HACD2: variants seen among roughly 807,000 people sequenced by gnomAD.
HACD2 encodes the protein 3-hydroxyacyl-CoA dehydratase 2, also known as very-long-chain (3R)-3-hydroxyacyl-CoA dehydratase 2.
Under a neutral mutation model 31.0 loss-of-function variants are expected in HACD2, and 15 were observed. That is an observed-to-expected ratio of 0.48 (90% CI 0.32 to 0.75). HACD2 has a LOEUF of 0.75. Ranked by LOEUF, HACD2 falls within the 30% of genes least tolerant of loss-of-function variation. The probability of loss-of-function intolerance (pLI) is 0.03; values close to 1 mark genes in which losing one functional copy is unlikely to be tolerated. For missense variants in HACD2, 283 were observed against 313.0 expected, an observed-to-expected ratio of 0.90 and a Z score of 0.72; for synonymous variants, 115 against 122.2, an observed-to-expected ratio of 0.94 and a Z score of 0.39.
At chr3:123,513,546 C>T (rs2056090392) in intron 4 of HACD2, among the ~76,000 whole-genome samples, 1 of 152,124 alleles carries the variant, frequency 6.6e-6, no homozygotes, top group African/African-American at 2.4e-5. Context: ...TGAGAACTTA[C>T]AGCCTGTACT....
intron 3 of HACD2, among the ~76,000 whole-genome samples, chr3:123,554,756 G>T (rs2056656388): frequency 6.6e-6 from 1 of 152,102 alleles, no homozygotes; most frequent in Non-Finnish European, 1.5e-5. Flanking sequence ...ATAAAAGAAT[G>T]CACAAGGGCA....
At chr3:123,534,961 T>C (rs2056407996) in intron 3 of HACD2, among the ~76,000 whole-genome samples, 1 of 152,218 alleles carries the variant, frequency 6.6e-6, no homozygotes, top group African/African-American at 2.4e-5. Flanking sequence ...GCAAAAAAGT[T>C]AAAGAAAATT....
chr3:123,521,579 T>C (rs2056215588), intron 4 of HACD2, among the ~76,000 whole-genome samples: 1 of 150,636 alleles, frequency 6.6e-6, no homozygotes, highest in African/African-American at 2.5e-5. Flanking sequence ...TATCAGATTT[T>C]AGCCCTTGAG....
At chr3:123,556,262 T>A (rs2056671644) in intron 3 of HACD2, among the ~76,000 whole-genome samples, 1 of 151,696 alleles carries the variant, frequency 6.6e-6, no homozygotes, top group African/African-American at 2.4e-5. Flanking sequence ...CACGGAGAAG[T>A]CCCATCTCTA....
In HACD2 at chr3:123,584,853, T is replaced by A; in HGVS notation, c.155+20A>T. 1 of 1,459,330 alleles carries A rather than the reference T, an allele frequency of 6.9e-7. No homozygotes were observed. The highest frequency in any genetic ancestry group is 9.1e-7 in the Non-Finnish European group (1 of 1,099,662). 90.4% of individuals were successfully genotyped at this position (1,459,330 alleles called of 1,614,324 possible). On this transcript the variant is annotated intron_variant, in intron 1 of 6. Coordinates refer to ENST00000383657, the MANE Select transcript of HACD2 (RefSeq NM_198402.5). ...TCCCCGGCCGCGCTGGCTCCCCGCC[T>A]CCCCGAGCCCCAGCCTCACCCGGCT...
chr3:123,533,753 T>C (rs1044146358), intron 3 of HACD2, among the ~76,000 whole-genome samples: 2 of 152,202 alleles, frequency 1.3e-5, no homozygotes, highest in Non-Finnish European at 2.9e-5. Context: ...GGGAAGACAG[T>C]GTCCCTGGTG....
intron 3 of HACD2, among the ~76,000 whole-genome samples, chr3:123,549,839 A>G (rs751094744): frequency 1.3e-5 from 2 of 152,010 alleles, no homozygotes; most frequent in Non-Finnish European, 2.9e-5. Context: ...GATCATTCAG[A>G]TATCTTTTAT....
intron 3 of HACD2, among the ~76,000 whole-genome samples, chr3:123,542,307 T>C (rs1410635395): frequency 6.6e-6 from 1 of 152,012 alleles, no homozygotes; most frequent in African/African-American, 2.4e-5. Flanking sequence ...ACTCCACAAT[T>C]AGCAATAAAG....
chr3:123,582,414 G>C (rs186443080), intron 1 of HACD2, 85 bp from the exon 2 acceptor site: 14 of 876,666 alleles, frequency 1.6e-5, no homozygotes, highest in African/African-American at 1.6e-4. Context: ...GGCAATAAAA[G>C]ATATTGCTAA....
intron 2 of HACD2, among the ~76,000 whole-genome samples, chr3:123,580,558 A>C (rs556668008): frequency 6.6e-6 from 1 of 151,994 alleles, no homozygotes; most frequent in Admixed American, 6.5e-5. Context: ...CTGAGATGGG[A>C]AGATTGCTTG....
intron 3 of HACD2, among the ~76,000 whole-genome samples, chr3:123,566,050 G>A (rs1474238778): frequency 1.3e-5 from 2 of 152,072 alleles, no homozygotes; most frequent in African/African-American, 2.4e-5. Context: ...GAGCCCCCAA[G>A]CCACTTTCAA....
At chr3:123,501,097 G>A (rs914649086) in intron 5 of HACD2, among the ~76,000 whole-genome samples, 6 of 152,108 alleles carry the variant, frequency 3.9e-5, no homozygotes, top group African/African-American at 1.4e-4. Flanking sequence ...GTTGGAACAT[G>A]TGGTCTAGGA....
chr3:123,507,727 T>C (rs1374836392), intron 4 of HACD2, among the ~76,000 whole-genome samples: 1 of 152,050 alleles, frequency 6.6e-6, no homozygotes, highest in Non-Finnish European at 1.5e-5. Context: ...CCCACAAAAA[T>C]TTTAAAAAAT....
intron 3 of HACD2, among the ~76,000 whole-genome samples, chr3:123,547,955 G>A (rs2056579322): frequency 6.6e-6 from 1 of 151,986 alleles, no homozygotes; most frequent in Non-Finnish European, 1.5e-5. Flanking sequence ...ACTTACTAAA[G>A]CACACAGTAA....
At chr3:123,547,716 C>T (rs1001761347) in intron 3 of HACD2, among the ~76,000 whole-genome samples, 4 of 152,086 alleles carry the variant, frequency 2.6e-5, no homozygotes, top group African/African-American at 2.4e-5. Flanking sequence ...CCAAGCATTA[C>T]GTTAGATTAC....
At chr3:123,577,624 A>AC (rs2056921979) in intron 2 of HACD2, among the ~76,000 whole-genome samples, 1 of 150,872 alleles carries the variant, frequency 6.6e-6, no homozygotes, top group African/African-American at 2.4e-5. Flanking sequence ...CTGTCTCAAA[A>AC]AAAAAAAAAA....
In HACD2 at chr3:123,558,679, C is replaced by T. The variant is rs182019192; in HGVS notation, c.292+9083G>A. On this transcript the variant is annotated intron_variant, in intron 3 of 6. Coordinates refer to ENST00000383657, the MANE Select transcript of HACD2 (RefSeq NM_198402.5). ...ACTGAACTATAAAAATGACATATCACGGTCATACAAATTTTCCGAAGCTTT... is the reference window on the plus strand; with the variant it reads ...ACTGAACTATAAAAATGACATATCATGGTCATACAAATTTTCCGAAGCTTT... Among the ~76,000 whole-genome samples, 8 of 152,294 alleles carry T rather than the reference C, an allele frequency of 5.3e-5. No individual in the cohort carries two copies. In the East Asian group the frequency reaches 1.2e-3, roughly 22 times the overall value.
At chr3:123,508,768 A>G (rs2056010903) in intron 4 of HACD2, among the ~76,000 whole-genome samples, 1 of 152,186 alleles carries the variant, frequency 6.6e-6, no homozygotes, top group Admixed American at 6.5e-5. Context: ...TCAGGCTGCC[A>G]TAACAGAACA....
At chr3:123,543,650 T>C (rs1045787492) in intron 3 of HACD2, 3 of 403,030 alleles carry the variant, frequency 7.4e-6, no homozygotes, top group African/African-American at 4.3e-5. Context: ...AATGGAAAAA[T>C]GATTATATTA....
Sources: gnomAD v4.1 joint callset for allele counts (sites outside exome capture counted in the v4.1 genomes callset) on GRCh38, gnomAD v4.1.1 for gene constraint, MANE v1.5 for transcripts, NCBI Gene and HGNC (gene_info 2026-07-23, HGNC 2026-07-21) for gene names.